DLC1: variants seen among roughly 807,000 people sequenced by gnomAD.
DLC1 encodes the protein rho GTPase-activating protein 7.
DLC1 carries 54 observed loss-of-function variants against 140.3 expected under a neutral mutation model. The observed-to-expected ratio is 0.38, with a 90% CI of 0.31 to 0.48. The LOEUF is 0.48. Ranked by LOEUF, DLC1 falls within the 20% of genes least tolerant of loss-of-function variation. DLC1 has a pLI of 0.96. For synonymous variants in DLC1, 986 were observed against 728.1 expected, an observed-to-expected ratio of 1.35 and a Z score of -5.70; for missense variants, 2,536 against 1,907.0, an observed-to-expected ratio of 1.33 and a Z score of -6.14.
rs535925388 is a variant in DLC1 at position 13,298,904 on chromosome 8, A to G, written c.1348+6365T>C. On this transcript the variant is annotated intron_variant, in intron 5 of 17. Coordinates refer to ENST00000276297, the MANE Select transcript of DLC1 (RefSeq NM_182643.3). ...TTTTTTAAGCCATTTTTGGCTAATG[A>G]TAATGCTTTGTTTTGCATGGGCTGC... 9.2e-5 allele frequency among the ~76,000 whole-genome samples: 14 copies of G among 152,314 alleles called. No individual in the cohort carries two copies. The South Asian group carries it at 2.7e-3, about 29-fold the overall frequency.
chr8:13,574,539 T>C (rs1326447132), intron 1 of DLC1, among the ~76,000 whole-genome samples: 2 of 152,156 alleles, frequency 1.3e-5, no homozygotes, highest in African/African-American at 4.8e-5. Context: ...TTTTCCTAAT[T>C]GTTGCCACAA....
chr8:13,436,526 A>T (rs539533862), intron 2 of DLC1, among the ~76,000 whole-genome samples: 210 of 152,166 alleles, frequency 1.4e-3, no homozygotes, highest in Non-Finnish European at 1.8e-3. Context: ...ATTTTTTTTT[A>T]AAATGTCATT....
At chr8:13,598,051 C>T (rs536505101) in intron 1 of DLC1, among the ~76,000 whole-genome samples, 1 of 152,150 alleles carries the variant, frequency 6.6e-6, no homozygotes, top group South Asian at 2.1e-4. Flanking sequence ...TGTCCTGTTT[C>T]TAAGTAAACG....
At chr8:13,158,658 C>A (rs1824430505) in intron 5 of DLC1, among the ~76,000 whole-genome samples, 1 of 144,514 alleles carries the variant, frequency 6.9e-6, no homozygotes, top group African/African-American at 2.5e-5. Flanking sequence ...TCTAGCCCTG[C>A]TTTTCTTCCA....
At chr8:13,363,952 G>A (rs1327099627) in intron 4 of DLC1, among the ~76,000 whole-genome samples, 1 of 152,156 alleles carries the variant, frequency 6.6e-6, no homozygotes, top group Non-Finnish European at 1.5e-5. Context: ...GCTCTAAGAA[G>A]CTCTTTGAAA....
intron 1 of DLC1, among the ~76,000 whole-genome samples, chr8:13,574,900 A>G (rs111736135): frequency 5.9e-5 from 9 of 152,310 alleles, no homozygotes; most frequent in African/African-American, 1.9e-4. Flanking sequence ...GCCTAGTATA[A>G]TAACTTAGCT....
chr8:13,298,069 C>G (rs951613249), intron 5 of DLC1, among the ~76,000 whole-genome samples: 2 of 152,176 alleles, frequency 1.3e-5, no homozygotes, highest in African/African-American at 4.8e-5. Flanking sequence ...TTTCTATTTT[C>G]TGTCTTATGA....
chr8:13,314,012 C>T (rs1832776693), intron 4 of DLC1, among the ~76,000 whole-genome samples: 1 of 151,958 alleles, frequency 6.6e-6, no homozygotes, highest in Non-Finnish European at 1.5e-5. Flanking sequence ...GACCTGAGGG[C>T]ATAAGTGGAA....
intron 5 of DLC1, among the ~76,000 whole-genome samples, chr8:13,274,650 C>T (rs79323327): frequency 0.075 from 11,397 of 152,156 alleles, 479 homozygotes; most frequent in South Asian, 0.094. Context: ...GGATAACATT[C>T]TTATTCTTAG....
intron 5 of DLC1, among the ~76,000 whole-genome samples, chr8:13,259,985 C>T (rs1198533714): frequency 6.6e-6 from 1 of 152,030 alleles, no homozygotes; most frequent in African/African-American, 2.4e-5. Flanking sequence ...ATTACAAGAG[C>T]AGGAGAAATG....
chr8:13,439,263 G>T (rs934441581), intron 2 of DLC1, among the ~76,000 whole-genome samples: 1 of 152,182 alleles, frequency 6.6e-6, no homozygotes, highest in Non-Finnish European at 1.5e-5. Context: ...GGCAGAGGTT[G>T]CAGTGAGCAG....
chr8:13,519,937 C>T lies in DLC1; in HGVS notation c.-125-19741G>A, dbSNP rs576345703. On this transcript the variant is annotated intron_variant, in intron 1 of 1. Coordinates refer to the DLC1 transcript ENST00000631382. ...ACCACAGTGAGATACCATTTCATGC[C>T]AGTTAGAATGGCAAACATTAAAACG... 1.6e-4 allele frequency among the ~76,000 whole-genome samples: 25 copies of T among 152,292 alleles called. 1 individual carries two copies. In the Middle Eastern group the frequency reaches 0.014, roughly 83 times the overall value.
chr8:13,434,525 AAAGC>A (rs1839030257), intron 2 of DLC1, among the ~76,000 whole-genome samples: 1 of 152,056 alleles, frequency 6.6e-6, no homozygotes, highest in Non-Finnish European at 1.5e-5. Context: ...TTTAAGAGAG[AAAGC>A]AAGAGGCACA....
Position 13,091,434 on chromosome 8 carries a change from T to G in DLC1, c.3741-2A>C. On this transcript the variant is annotated splice_acceptor_variant, in intron 13 of 17. Transcript: ENST00000276297. LOFTEE classifies it high-confidence loss of function. ...AAACTTTGTTTTCTTTGCATTACCC[T>G]AGGTAGAAGAAATACAGGAGGGGAA... 6.2e-7 allele frequency: 1 copy of G among 1,612,680 alleles called. No individual in the cohort carries two copies. The highest frequency in any genetic ancestry group is 8.5e-7 in the Non-Finnish European group (1 of 1,178,850).
intron 5 of DLC1, among the ~76,000 whole-genome samples, chr8:13,120,473 C>T (rs925024654): frequency 1.7e-4 from 26 of 150,464 alleles, no homozygotes; most frequent in South Asian, 6.3e-4. Context: ...ACTTTGGACA[C>T]GTTTATCTAC....
intron 5 of DLC1, chr8:13,132,988 G>C (rs1336056134): frequency 2.5e-6 from 4 of 1,609,592 alleles, no homozygotes; most frequent in Non-Finnish European, 3.4e-6. Context: ...CATCAAGCAC[G>C]GCAGGCGGCG....
At chr8:13,245,618 G>A (rs1038281152) in intron 5 of DLC1, among the ~76,000 whole-genome samples, 5 of 152,068 alleles carry the variant, frequency 3.3e-5, no homozygotes, top group African/African-American at 7.2e-5. Flanking sequence ...GGAAATCCAC[G>A]TTAAGATACT....
At chr8:13,194,479 G>A (rs963803880) in intron 5 of DLC1, among the ~76,000 whole-genome samples, 4 of 152,150 alleles carry the variant, frequency 2.6e-5, no homozygotes, top group Non-Finnish European at 4.4e-5. Context: ...GTAAAAGAAG[G>A]CCCTGGTGAA....
intron 4 of DLC1, among the ~76,000 whole-genome samples, chr8:13,312,638 A>C (rs985986159): frequency 6.6e-5 from 10 of 152,044 alleles, no homozygotes; most frequent in Admixed American, 2.6e-4. Context: ...TTGCTAATAG[A>C]AAAAATGCCT....
Sources: gnomAD v4.1 joint callset for allele counts (sites outside exome capture counted in the v4.1 genomes callset) on GRCh38, gnomAD v4.1.1 for gene constraint, MANE v1.5 for transcripts, NCBI Gene and HGNC (gene_info 2026-07-23, HGNC 2026-07-21) for gene names.